The following RIC1 variants were observed in gnomAD, a reference collection of about 807,000 sequenced individuals.
RIC1 encodes the protein guanine nucleotide exchange factor subunit RIC1.
RIC1 carries 88 observed loss-of-function variants against 169.0 expected under a neutral mutation model. The observed-to-expected ratio is 0.52, with a 90% CI of 0.44 to 0.62. RIC1 has a LOEUF of 0.62. Ranked by LOEUF, RIC1 falls within the 20% of genes least tolerant of loss-of-function variation. The pLI is 0.00. For missense variants in RIC1, 1,877 were observed against 1,725.5 expected (o/e 1.09, Z -1.56); for synonymous variants, 790 against 601.5 (o/e 1.31, Z -4.59).
At chr9:5,693,787 A>G (rs1477493863) in intron 3 of RIC1, among the ~76,000 whole-genome samples, 1 of 152,096 alleles carries the variant, frequency 6.6e-6, no homozygotes. Flanking sequence ...TTAAACAAAT[A>G]TGTCATCATC....
chr9:5,699,729 T>C (rs1256470413), intron 3 of RIC1, among the ~76,000 whole-genome samples: 1 of 152,186 alleles, frequency 6.6e-6, no homozygotes, highest in Non-Finnish European at 1.5e-5. Context: ...TGCAATAATC[T>C]GAGATTTACA....
intron 23 of RIC1, among the ~76,000 whole-genome samples, chr9:5,771,653 A>AT (rs1563727611): frequency 6.6e-6 from 1 of 152,086 alleles, no homozygotes; most frequent in Non-Finnish European, 1.5e-5. Context: ...CAAGGGTTCT[A>AT]TTTTCTCCAC....
chr9:5,777,038 T>C (rs1310752179), downstream of RIC1, among the ~76,000 whole-genome samples: 1 of 152,166 alleles, frequency 6.6e-6, no homozygotes, highest in Non-Finnish European at 1.5e-5. Context: ...CATGTTGTTA[T>C]TTTGGCTGTA....
chr9:5,696,338 G>A (rs1303413457), intron 3 of RIC1, among the ~76,000 whole-genome samples: 1 of 151,004 alleles, frequency 6.6e-6, no homozygotes, highest in Non-Finnish European at 1.5e-5. Context: ...TGAACACATC[G>A]AACCCACAAT....
In RIC1 at chr9:5,720,162, T is replaced by C; in HGVS notation, c.441-20T>C. The C allele has an allele frequency of 6.3e-7, 1 of 1,598,812 alleles. No homozygotes were observed. Reference sequence around the variant, plus strand: ...CTTTCCCAGTATGCTCTCTTAAAAATTAATTGATTCTACCTACAGTTTGCA... The same window carrying C: ...CTTTCCCAGTATGCTCTCTTAAAAACTAATTGATTCTACCTACAGTTTGCA... On this transcript the variant is annotated intron_variant, in intron 4 of 25. Coordinates refer to ENST00000414202, the MANE Select transcript of RIC1 (RefSeq NM_020829.4).
At chr9:5,682,579 G>T (rs1018695363) in intron 2 of RIC1, among the ~76,000 whole-genome samples, 1 of 152,096 alleles carries the variant, frequency 6.6e-6, no homozygotes, top group Non-Finnish European at 1.5e-5. Flanking sequence ...TTTCTCTGTG[G>T]CTGCCCTTAA....
Position 5,744,658 on chromosome 9 carries a change from C to CATCACAT in RIC1, c.1095+922_1095+928dup, listed in dbSNP as rs1446112771. Among the ~76,000 whole-genome samples, 6 of 151,960 alleles carry CATCACAT rather than the reference C, an allele frequency of 3.9e-5. No homozygotes were observed. The East Asian group carries it at 1.2e-3, about 29-fold the overall frequency. On this transcript the variant is annotated intron_variant, in intron 10 of 25. Coordinates refer to ENST00000414202, the MANE Select transcript of RIC1 (RefSeq NM_020829.4). The stretch of plus-strand genomic sequence containing the variant: ...ATAAAACAAAATTTTGACTGCAGCT[C>CATCACAT]ATCACATGAAGTCAGGTGTGGGATT...
chr9:5,753,634 A>C lies in RIC1; in HGVS notation c.1590A>C (p.Gly530=), dbSNP rs768255164. Residue 530 remains glycine, a synonymous_variant, in exon 14 of 26, where the codon GGA becomes GGC. Transcript: ENST00000414202. ...SLLTKKWKLF[G]NITQEQNMIV... ...TCACCAAAAAATGGAAACTTTTTGG[A>C]AACATTACCCAGGTTAGTCTTTTTT... 7 of 1,577,812 alleles carry C rather than the reference A, an allele frequency of 4.4e-6. No homozygotes were observed. The highest frequency in any genetic ancestry group is 6.1e-6 in the Non-Finnish European group (7 of 1,151,048).
rs1200184527 is a variant in RIC1, at chr9:5,774,335, G to C, written c.*89G>C. On this transcript the variant is annotated 3_prime_UTR_variant, in exon 26 of 26. Coordinates refer to ENST00000414202, the MANE Select transcript of RIC1 (RefSeq NM_020829.4). ...AACATAGTTGGATGATTTAACAGGA[G>C]AACTCAGTTCAGAGACTCTTCGGTA... The C allele has an allele frequency of 1.7e-6, 2 of 1,165,424 alleles. No individual in the cohort carries two copies. The highest frequency in any genetic ancestry group is 1.9e-5 in the South Asian group (1 of 53,966). 72.2% of individuals were successfully genotyped at this position (1,165,424 alleles called of 1,614,324 possible). A position where few individuals can be genotyped will look rare whatever the true frequency, so the allele number is the denominator to read the frequency against.
At chr9:5,657,631 CTT>C (rs1819178576) in intron 2 of RIC1, among the ~76,000 whole-genome samples, 1 of 152,052 alleles carries the variant, frequency 6.6e-6, no homozygotes, top group Non-Finnish European at 1.5e-5. Context: ...TAATTTATCT[CTT>C]TGCGTTGGTC....
intron 2 of RIC1, among the ~76,000 whole-genome samples, chr9:5,663,646 T>A (rs935283983): frequency 5.3e-5 from 8 of 152,252 alleles, no homozygotes; most frequent in African/African-American, 1.4e-4. Context: ...TGGTTCTTTC[T>A]GTTTTCCATT....
chr9:5,763,622 C>T lies in RIC1; in HGVS notation c.2595C>T (p.Leu865=), dbSNP rs1211691784. 2 of 1,614,124 alleles carry T rather than the reference C, an allele frequency of 1.2e-6. No homozygotes were observed. Among genetic ancestry groups the T allele is most frequent in the Middle Eastern group, 1.7e-4 (1 of 6,058 alleles). The part of the protein sequence containing the change: ...PYFPHVLELM[L]HEVLEEEATS... ...TCCCTCATGTGCTGGAGCTCATGCT[C>T]CATGAAGTACTGGAAGAAGAAGCTA... Residue 865 remains leucine (L), a synonymous_variant, in exon 19 of 26, where the codon CTC becomes CTT. Transcript: ENST00000414202. This position sits in a 1 kb window ranked among gnomAD's most constrained non-coding sequence, Gnocchi z 5.2.
intron 2 of RIC1, among the ~76,000 whole-genome samples, chr9:5,688,823 C>T (rs980330980): frequency 2.6e-5 from 4 of 152,198 alleles, no homozygotes; most frequent in South Asian, 4.1e-4. Context: ...ATGCCCACCT[C>T]CCTCTAAAAT....
chr9:5,660,770 G>T (rs1417179713), intron 2 of RIC1, among the ~76,000 whole-genome samples: 1 of 151,944 alleles, frequency 6.6e-6, no homozygotes, highest in African/African-American at 2.4e-5. Context: ...CAGATTAATA[G>T]ATTCCAAAAA....
intron 2 of RIC1, among the ~76,000 whole-genome samples, chr9:5,675,600 A>G (rs953694349): frequency 7.9e-5 from 12 of 152,244 alleles, no homozygotes; most frequent in African/African-American, 2.9e-4. Flanking sequence ...TTAGCGTAAT[A>G]TAAAAGGTAG....
intron 2 of RIC1, among the ~76,000 whole-genome samples, chr9:5,670,563 A>G (rs181680208): frequency 1.4e-3 from 218 of 152,326 alleles, no homozygotes; most frequent in Non-Finnish European, 2.6e-3. Context: ...GTAATATAAA[A>G]TTGCCTTAAT....
chr9:5,728,948 A>G (rs1824181384), intron 6 of RIC1, among the ~76,000 whole-genome samples: 1 of 152,142 alleles, frequency 6.6e-6, no homozygotes, highest in Non-Finnish European at 1.5e-5. Context: ...TTACCATAGG[A>G]TGAGCTGACT....
At chr9:5,720,537 A>T in intron 5 of RIC1, 77 bp from the exon 6 acceptor site, 1 of 1,391,004 alleles carries the variant, frequency 7.2e-7, no homozygotes, top group Non-Finnish European at 9.7e-7. Context: ...TTAAACTTAC[A>T]GGTTTTTCTG....
intron 17 of RIC1, among the ~76,000 whole-genome samples, chr9:5,758,646 A>C (rs1204469882): frequency 6.7e-6 from 1 of 150,350 alleles, no homozygotes; most frequent in Non-Finnish European, 1.5e-5. Context: ...TCTTATCTGC[A>C]TGCTAAATAC....
Sources: allele counts gnomAD v4.1 joint callset (sites outside exome capture counted in the v4.1 genomes callset), GRCh38; gene constraint gnomAD v4.1.1; non-coding constraint Gnocchi (gnomAD v3.1); transcripts MANE v1.5; gene names NCBI Gene and HGNC (gene_info 2026-07-23, HGNC 2026-07-21).